The following CXCL13 variants were observed in gnomAD, a reference collection of about 807,000 sequenced individuals.
CXCL13 encodes C-X-C motif chemokine 13.
A neutral mutation model predicts 12.2 loss-of-function variants in CXCL13; 7 were observed. The observed-to-expected ratio is 0.57, with a 90% confidence interval of 0.33 to 1.07. The LOEUF (loss-of-function observed/expected upper bound fraction) is 1.07. Ranked by LOEUF, CXCL13 falls within the 50% of genes least tolerant of loss-of-function variation. CXCL13 has a pLI of 0.04. For missense variants in CXCL13, 113 were observed against 127.4 expected, an observed-to-expected ratio of 0.89 and a Z score of 0.55; for synonymous variants, 47 against 42.4, an observed-to-expected ratio of 1.11 and a Z score of -0.42.
chr4:77,572,924 G>A (rs1343185704), intron 1 of CXCL13, among the ~76,000 whole-genome samples: 2 of 151,818 alleles, frequency 1.3e-5, no homozygotes, highest in African/African-American at 4.9e-5. Context: ...ATGAGAACAT[G>A]TCCTTTGCAG....
In CXCL13 at chr4:77,551,825, C is replaced by T. The variant is rs113021085; in HGVS notation, c.-43+40037C>T. Among the ~76,000 whole-genome samples, 211 of 152,138 alleles carry T rather than the reference C, an allele frequency of 1.4e-3. 1 individual carries two copies. The highest frequency in any genetic ancestry group is 2.4e-3 in the Non-Finnish European group (163 of 67,992). On this transcript the variant is annotated intron_variant, in intron 1 of 4. Transcript: ENST00000286758. Reference sequence around the variant, plus strand: ...GTATTTTTGTCTTACTGAGTTAGTTCAAAAGACTAGTCTTCAAGCTCTGAA... The same window carrying T: ...GTATTTTTGTCTTACTGAGTTAGTTTAAAAGACTAGTCTTCAAGCTCTGAA...
chr4:77,583,823 A>G (rs1327158562), intron 1 of CXCL13, among the ~76,000 whole-genome samples: 2 of 152,200 alleles, frequency 1.3e-5, no homozygotes, highest in Non-Finnish European at 2.9e-5. Flanking sequence ...CCATCGATCT[A>G]TAAGGTACTC....
At chr4:77,527,462 T>A (rs1724796182) in intron 1 of CXCL13, among the ~76,000 whole-genome samples, 2 of 152,090 alleles carry the variant, frequency 1.3e-5, no homozygotes, top group Admixed American at 6.6e-5. Flanking sequence ...TGAAACCCCA[T>A]CTCTACAGAA....
chr4:77,518,618 G>C (rs143329218), intron 1 of CXCL13, among the ~76,000 whole-genome samples: 1 of 151,986 alleles, frequency 6.6e-6, no homozygotes, highest in Non-Finnish European at 1.5e-5. Context: ...TCTTCACGTC[G>C]TTCTCGAGCC....
chr4:77,521,106 G>A (rs1305012805), intron 1 of CXCL13, among the ~76,000 whole-genome samples: 1 of 152,174 alleles, frequency 6.6e-6, no homozygotes, highest in Admixed American at 6.5e-5. Context: ...ATGTGCTGCT[G>A]GATTTGGTTT....
chr4:77,578,862 T>C (rs981624265), intron 1 of CXCL13, among the ~76,000 whole-genome samples: 10 of 152,208 alleles, frequency 6.6e-5, no homozygotes, highest in Non-Finnish European at 1.5e-5. Context: ...TATAGAATCA[T>C]GTAGAATAAA....
upstream of CXCL13, among the ~76,000 whole-genome samples, chr4:77,603,126 T>C (rs963522666): frequency 2.6e-5 from 4 of 152,342 alleles, no homozygotes; most frequent in African/African-American, 9.6e-5. Context: ...GGTAACTTTG[T>C]CCCTATACTC....
intron 1 of CXCL13, among the ~76,000 whole-genome samples, chr4:77,551,526 A>T (rs1239175101): frequency 6.6e-6 from 1 of 152,154 alleles, no homozygotes; most frequent in African/African-American, 2.4e-5. Flanking sequence ...CTTTTCCTCT[A>T]GCTGCCTTTA....
chr4:77,570,048 G>A (rs193031950), intron 1 of CXCL13, among the ~76,000 whole-genome samples: 1 of 152,180 alleles, frequency 6.6e-6, no homozygotes, highest in Non-Finnish European at 1.5e-5. Context: ...TCAATAAATG[G>A]TACTGGGATA....
chr4:77,518,143 A>C (rs1021026432), intron 1 of CXCL13, among the ~76,000 whole-genome samples: 1 of 152,196 alleles, frequency 6.6e-6, no homozygotes, highest in Non-Finnish European at 1.5e-5. Flanking sequence ...TCTGGCTTGT[A>C]GAGTTTCTGC....
At chr4:77,545,486 G>A (rs891507490) in intron 1 of CXCL13, among the ~76,000 whole-genome samples, 1 of 152,034 alleles carries the variant, frequency 6.6e-6, no homozygotes, top group Admixed American at 6.6e-5. Context: ...TGGATTCCTA[G>A]GTATTTTATT....
At chr4:77,521,513 T>C (rs1416472917) in intron 1 of CXCL13, among the ~76,000 whole-genome samples, 1 of 152,220 alleles carries the variant, frequency 6.6e-6, no homozygotes, top group Admixed American at 6.5e-5. Flanking sequence ...TAGAGGTGTT[T>C]ATAGTATTCT....
chr4:77,548,099 A>G lies in CXCL13; in HGVS notation c.-43+36311A>G, dbSNP rs373787766. On this transcript the variant is annotated intron_variant, in intron 1 of 4. Coordinates refer to the CXCL13 transcript ENST00000286758. ...GAGAAATCACATTTATATAAAAGAA[A>G]TAAAACAGGCCAGCAGAAGTCCAAA... Among the ~76,000 whole-genome samples the G allele has an allele frequency of 1.2e-4, 18 of 152,316 alleles. No homozygotes were observed. In the East Asian group the frequency reaches 2.1e-3, roughly 18 times the overall value.
At chr4:77,610,814 T>G (rs1727132342) in intron 3 of CXCL13, 120 bp downstream of exon 3, 2 of 935,364 alleles carry the variant, frequency 2.1e-6, no homozygotes, top group Admixed American at 1.9e-5. Context: ...CAAATGTGTG[T>G]TTTTCACTGT....
intron 1 of CXCL13, among the ~76,000 whole-genome samples, chr4:77,533,334 G>A (rs994067548): frequency 2.6e-5 from 4 of 152,184 alleles, no homozygotes; most frequent in African/African-American, 9.7e-5. Flanking sequence ...CAGCAGCAGA[G>A]GCTGCACAAC....
intron 1 of CXCL13, among the ~76,000 whole-genome samples, chr4:77,517,946 C>T (rs958070746): frequency 3.9e-5 from 6 of 152,126 alleles, no homozygotes; most frequent in Admixed American, 6.5e-5. Context: ...CGGCTGGTAC[C>T]GGTTGTTCCT....
At chr4:77,554,258 A>T (rs1407516409) in intron 1 of CXCL13, among the ~76,000 whole-genome samples, 1 of 152,086 alleles carries the variant, frequency 6.6e-6, no homozygotes, top group African/African-American at 2.4e-5. Flanking sequence ...TCAAATTTTT[A>T]AAAAACAGAT....
At chr4:77,580,998 A>G (rs1259033849) in intron 1 of CXCL13, among the ~76,000 whole-genome samples, 1 of 152,004 alleles carries the variant, frequency 6.6e-6, no homozygotes, top group Non-Finnish European at 1.5e-5. Context: ...TATGCCAGTC[A>G]CAGAAGACTA....
At chr4:77,588,270 G>C (rs1432136928) in intron 1 of CXCL13, among the ~76,000 whole-genome samples, 1 of 152,136 alleles carries the variant, frequency 6.6e-6, no homozygotes, top group Non-Finnish European at 1.5e-5. Context: ...TGAGAATTTG[G>C]GTACATACTT....
Sources: allele counts gnomAD v4.1 joint callset (sites outside exome capture counted in the v4.1 genomes callset), GRCh38; gene constraint gnomAD v4.1.1; transcripts MANE v1.5; gene names NCBI Gene and HGNC (gene_info 2026-07-23, HGNC 2026-07-21).